The following ROR1 variants were observed in gnomAD, a reference collection of about 807,000 sequenced individuals.
ROR1 encodes the protein ROR family WNT receptor 1, also known as inactive tyrosine-protein kinase transmembrane receptor ROR1.
A neutral mutation model predicts 78.8 loss-of-function variants in ROR1; 19 were observed. The ratio of observed to expected loss-of-function variants is 0.24; its 90% CI spans 0.17 to 0.35. The LOEUF is 0.35. Among genes scored for constraint, ROR1 ranks in the 10% least tolerant of loss-of-function variants. ROR1 has a pLI of 1.00. For missense variants in ROR1, 917 were observed against 1,177.8 expected, an observed-to-expected ratio of 0.78 and a Z score of 3.24; for synonymous variants, 386 against 433.6, an observed-to-expected ratio of 0.89 and a Z score of 1.36.
intron 1 of ROR1, among the ~76,000 whole-genome samples, chr1:63,854,700 C>G (rs1645137744): frequency 6.6e-6 from 1 of 152,124 alleles, no homozygotes; most frequent in African/African-American, 2.4e-5. Flanking sequence ...CTGGCACATA[C>G]AGATTGCTCA....
chr1:63,906,129 AG>A (rs957995905), intron 1 of ROR1, among the ~76,000 whole-genome samples: 1 of 152,162 alleles, frequency 6.6e-6, no homozygotes, highest in Non-Finnish European at 1.5e-5. Flanking sequence ...GATTGTTTTG[AG>A]GCCTTGTTCT....
intron 1 of ROR1, among the ~76,000 whole-genome samples, chr1:63,997,831 GT>G (rs1157586279): frequency 5.4e-4 from 41 of 76,120 alleles, no homozygotes; most frequent in Admixed American, 1.2e-3. Flanking sequence ...TATGATTAGT[GT>G]TTTTTTTTTT....
chr1:63,858,982 T>C (rs56701049), intron 1 of ROR1, among the ~76,000 whole-genome samples: 72 of 152,354 alleles, frequency 4.7e-4, no homozygotes, highest in African/African-American at 1.6e-3. Context: ...GATAATTGAA[T>C]AAGAAATTAG....
chr1:63,911,206 A>G (rs1474598495), intron 1 of ROR1, among the ~76,000 whole-genome samples: 1 of 152,070 alleles, frequency 6.6e-6, no homozygotes, highest in Non-Finnish European at 1.5e-5. Flanking sequence ...AACCTCGACT[A>G]TTACTCATTT....
Position 63,815,478 on chromosome 1 carries a change from CTT to C in ROR1, c.91+40974_91+40975del, listed in dbSNP as rs1446331528. On this transcript the variant is annotated intron_variant, in intron 1 of 8. Transcript: ENST00000371079. ...TTTTCTTTTTCTTTTCTTTTCTTTTCTTTTTCTTTTTTTTTTTTTTTTGAGTA... is the reference window on the plus strand; with the variant it reads ...TTTTCTTTTTCTTTTCTTTTCTTTTCTTTCTTTTTTTTTTTTTTTTGAGTA... 2.0e-4 allele frequency among the ~76,000 whole-genome samples: 21 copies of C among 103,468 alleles called. 1 individual carries two copies. Among genetic ancestry groups the C allele is most frequent in the African/African-American group, 1.1e-3 (21 of 19,038 alleles). 67.9% of individuals were successfully genotyped at this position (103,468 alleles called of 152,430 possible). A position where few individuals can be genotyped will look rare whatever the true frequency, so the allele number is the denominator to read the frequency against.
intron 4 of ROR1, among the ~76,000 whole-genome samples, chr1:64,080,584 A>AAAC (rs1314104758): frequency 1.4e-4 from 21 of 152,226 alleles, no homozygotes; most frequent in African/African-American, 5.1e-4. Context: ...AGGACATTTT[A>AAAC]AACTCCCTTT....
intron 4 of ROR1, among the ~76,000 whole-genome samples, chr1:64,121,261 C>CCTTCCTTCCTTCCAT (rs1553159804): frequency 7.9e-5 from 11 of 139,378 alleles, no homozygotes; most frequent in Admixed American, 7.3e-5. Context: ...TTCCTTCCAT[C>CCTTCCTTCCTTCCAT]CTCCTGTTTC....
chr1:63,855,085 A>G (rs771743297), intron 1 of ROR1, among the ~76,000 whole-genome samples: 1 of 152,126 alleles, frequency 6.6e-6, no homozygotes, highest in African/African-American at 2.4e-5. Flanking sequence ...GGCTGACTAT[A>G]TATACTAATG....
intron 2 of ROR1, among the ~76,000 whole-genome samples, chr1:64,035,952 A>T (rs972923583): frequency 6.6e-6 from 1 of 152,174 alleles, no homozygotes; most frequent in African/African-American, 2.4e-5. Context: ...GTAATCAAAG[A>T]GTCTTAACAA....
chr1:63,958,749 T>C (rs974934324), intron 1 of ROR1, among the ~76,000 whole-genome samples: 3 of 152,220 alleles, frequency 2.0e-5, no homozygotes, highest in Admixed American at 1.3e-4. Flanking sequence ...AAATAGCTGC[T>C]GGCACTCCAT....
intron 1 of ROR1, among the ~76,000 whole-genome samples, chr1:63,931,712 A>T (rs1418926445): frequency 6.6e-6 from 1 of 152,174 alleles, no homozygotes; most frequent in Non-Finnish European, 1.5e-5. Flanking sequence ...CATCTGGGTT[A>T]TCAGATAGAT....
At chr1:63,777,285 C>G (rs1644623062) in intron 1 of ROR1, among the ~76,000 whole-genome samples, 1 of 152,148 alleles carries the variant, frequency 6.6e-6, no homozygotes, top group South Asian at 2.1e-4. Context: ...TTTTGTAAAC[C>G]TTCCGTTGCC....
intron 8 of ROR1, among the ~76,000 whole-genome samples, chr1:64,169,048 G>A (rs1385224131): frequency 1.3e-5 from 2 of 152,218 alleles, no homozygotes; most frequent in Non-Finnish European, 2.9e-5. Context: ...TGCCTGCTCT[G>A]ATGTAGACTA....
intron 1 of ROR1, among the ~76,000 whole-genome samples, chr1:63,860,562 T>TAC (rs68153450): frequency 0.13 from 16,003 of 126,402 alleles, 1,186 homozygotes; most frequent in East Asian, 0.36. Context: ...CTACTAAAAA[T>TAC]ACACACACAC....
chr1:64,034,643 G>T (rs780357688), intron 2 of ROR1, among the ~76,000 whole-genome samples: 2 of 152,002 alleles, frequency 1.3e-5, no homozygotes, highest in African/African-American at 2.4e-5. Context: ...GACCATTATG[G>T]TGGCTAATAT....
chr1:64,123,817 A>C (rs1218573918), intron 4 of ROR1, among the ~76,000 whole-genome samples: 1 of 152,196 alleles, frequency 6.6e-6, no homozygotes, highest in African/African-American at 2.4e-5. Context: ...GATATTTATA[A>C]ATTCATGTAA....
intron 1 of ROR1, chr1:63,843,514 C>T (rs57598178): frequency 0.024 from 17,994 of 754,928 alleles, 682 homozygotes; most frequent in South Asian, 0.094. Context: ...TGGCTCACAT[C>T]GCCCACCAGG....
intron 1 of ROR1, among the ~76,000 whole-genome samples, chr1:63,975,746 T>C (rs2100502817): frequency 6.6e-6 from 1 of 152,314 alleles, no homozygotes; most frequent in African/African-American, 2.4e-5. Context: ...CTGCTAAAGC[T>C]GAGCTCTTTC....
intron 1 of ROR1, among the ~76,000 whole-genome samples, chr1:63,905,926 T>C (rs1645524593): frequency 6.6e-6 from 1 of 152,208 alleles, no homozygotes; most frequent in South Asian, 2.1e-4. Flanking sequence ...AATAATGTAC[T>C]TGAGGTTATT....
Sources: allele counts gnomAD v4.1 joint callset (sites outside exome capture counted in the v4.1 genomes callset), GRCh38; gene constraint gnomAD v4.1.1; transcripts MANE v1.5; gene names NCBI Gene and HGNC (gene_info 2026-07-23, HGNC 2026-07-21).